Variants in COL28A1 observed in about 807,000 individuals in gnomAD.
COL28A1 encodes collagen alpha-1(XXVIII) chain.
A neutral mutation model predicts 150.2 loss-of-function variants in COL28A1; 161 were observed. That is an observed-to-expected ratio of 1.07 (90% CI 0.94 to 1.22). The LOEUF is 1.22. Ranked by LOEUF, COL28A1 falls within the 50% of genes most tolerant of loss-of-function variation. The probability of loss-of-function intolerance (pLI) is 0.00; values close to 1 mark genes in which losing one functional copy is unlikely to be tolerated. For synonymous variants in COL28A1, 552 were observed against 469.7 expected, an observed-to-expected ratio of 1.18 and a Z score of -2.26; for missense variants, 1,617 against 1,388.3, an observed-to-expected ratio of 1.16 and a Z score of -2.62.
At chr7:7,456,524 C>T (rs1338325720) in intron 15 of COL28A1, among the ~76,000 whole-genome samples, 1 of 152,166 alleles carries the variant, frequency 6.6e-6, no homozygotes, top group Admixed American at 6.5e-5. Flanking sequence ...AATACCCTTT[C>T]CCTCCAAATC....
chr7:7,371,991 C>T (rs1486871770), intron 32 of COL28A1, among the ~76,000 whole-genome samples: 1 of 152,016 alleles, frequency 6.6e-6, no homozygotes, highest in African/African-American at 2.4e-5. Flanking sequence ...CGCCACCATG[C>T]CCAGCTAATT....
intron 1 of COL28A1, among the ~76,000 whole-genome samples, chr7:7,533,853 T>C (rs948595070): frequency 1.3e-5 from 2 of 152,158 alleles, no homozygotes; most frequent in Non-Finnish European, 2.9e-5. Flanking sequence ...AAAGCTTATT[T>C]CGAATCAATA....
intron 27 of COL28A1, among the ~76,000 whole-genome samples, chr7:7,414,519 G>T (rs796733014): frequency 2.5e-4 from 38 of 152,316 alleles, no homozygotes; most frequent in African/African-American, 9.1e-4. Context: ...AAATAAAGAG[G>T]GGCGAGCCCA....
At chr7:7,342,432 A>T in the COL28A1 span, among the ~76,000 whole-genome samples, 1 of 152,060 alleles carries the variant, frequency 6.6e-6, no homozygotes, top group Non-Finnish European at 1.5e-5. Context: ...CATTTAATAT[A>T]ATTATGAATA....
the COL28A1 span, among the ~76,000 whole-genome samples, chr7:7,346,815 G>A: frequency 6.6e-6 from 1 of 152,024 alleles, no homozygotes; most frequent in African/African-American, 2.4e-5. Context: ...TTTGAACTAA[G>A]TTCTGGGAAA....
At chr7:7,398,140 A>G (rs771979432) in intron 27 of COL28A1, among the ~76,000 whole-genome samples, 4 of 152,186 alleles carry the variant, frequency 2.6e-5, no homozygotes, top group Non-Finnish European at 4.4e-5. Context: ...GAAACATGCC[A>G]TCTGATAGCA....
intron 3 of COL28A1, among the ~76,000 whole-genome samples, chr7:7,531,130 A>C (rs2881889): frequency 6.6e-6 from 1 of 152,164 alleles, no homozygotes; most frequent in Non-Finnish European, 1.5e-5. Context: ...ATAAAGTTAA[A>C]AATGCAATTC....
intron 27 of COL28A1, among the ~76,000 whole-genome samples, chr7:7,407,644 G>GA (rs1204175125): frequency 1.4e-4 from 22 of 151,808 alleles, no homozygotes; most frequent in Non-Finnish European, 1.5e-4. Flanking sequence ...AAGTAAAATG[G>GA]AAAAAAATTG....
At chr7:7,443,423 C>A (rs190310220) in intron 20 of COL28A1, among the ~76,000 whole-genome samples, 162 bp downstream of exon 20, 2 of 152,088 alleles carry the variant, frequency 1.3e-5, no homozygotes, top group African/African-American at 4.8e-5. Context: ...GAATCATATA[C>A]GCTTGCTGTC....
chr7:7,419,874 T>A lies in COL28A1; in HGVS notation c.2067+11A>T, dbSNP rs79046726. On this transcript the variant is annotated intron_variant, in intron 26 of 34. Coordinates refer to ENST00000399429, the MANE Select transcript of COL28A1 (RefSeq NM_001037763.3). ...CTGACCCTCACACAAAGCACTGAGC[T>A]GAGGACTCACCTTTGGCCCTTGGGT... 2.1e-3 allele frequency: 3,388 copies of A among 1,581,574 alleles called. 68 individuals are homozygous for A. In the African/African-American group the frequency reaches 0.041, roughly 19 times the overall value.
At chr7:7,345,224 C>T in the COL28A1 span, among the ~76,000 whole-genome samples, 1 of 151,780 alleles carries the variant, frequency 6.6e-6, no homozygotes, top group African/African-American at 2.4e-5. Context: ...TTAAAAGTTA[C>T]ATGATGTTGT....
intron 15 of COL28A1, among the ~76,000 whole-genome samples, chr7:7,472,583 CA>C (rs1164395533): frequency 6.6e-6 from 1 of 152,102 alleles, no homozygotes; most frequent in Non-Finnish European, 1.5e-5. Flanking sequence ...AATATTGTGA[CA>C]ATGACCATAC....
chr7:7,515,803 TA>T lies in COL28A1; in HGVS notation c.882+10del. Reference sequence around the variant, plus strand: ...AAATTCTGGTCAATCTATTTGTTGTTACCAACTTACCTTGTCACCCTTGTAC... The same window carrying T: ...AAATTCTGGTCAATCTATTTGTTGTTCCAACTTACCTTGTCACCCTTGTAC... On this transcript the variant is annotated intron_variant, in intron 8 of 34. Coordinates refer to ENST00000399429, the MANE Select transcript of COL28A1 (RefSeq NM_001037763.3). 2.0e-6 allele frequency: 2 copies of T among 1,025,008 alleles called. No homozygotes were observed. The highest frequency in any genetic ancestry group is 3.1e-6 in the Non-Finnish European group (2 of 644,892). 63.5% of individuals were successfully genotyped at this position (1,025,008 alleles called of 1,614,324 possible).
In COL28A1 at chr7:7,422,792, T is replaced by C. The variant is rs556883909; in HGVS notation, c.1999-2839A>G. Among the ~76,000 whole-genome samples the C allele has an allele frequency of 9.3e-4, 142 of 152,292 alleles. 1 individual carries two copies. The highest frequency in any genetic ancestry group is 3.2e-3 in the African/African-American group (131 of 41,558). On this transcript the variant is annotated intron_variant, in intron 25 of 34. Transcript: ENST00000399429. Reference sequence around the variant, plus strand: ...CCTACCAGCTTTGAGTGTCCCCAAGTTCCTGCCGGCTATTACTACCAGCTT... The same window carrying C: ...CCTACCAGCTTTGAGTGTCCCCAAGCTCCTGCCGGCTATTACTACCAGCTT...
At position 7,461,868 on chromosome 7, in the gene COL28A1, G is replaced by A. The variant is rs79493064; in HGVS notation, c.1303-5756C>T. On this transcript the variant is annotated intron_variant, in intron 15 of 34. Coordinates refer to ENST00000399429, the MANE Select transcript of COL28A1 (RefSeq NM_001037763.3). Reference sequence around the variant, plus strand: ...AGTTATAAGGCCCTGTCCACCACCTGTTCCTTCCCATACTACCACAACTGA... The same window carrying A: ...AGTTATAAGGCCCTGTCCACCACCTATTCCTTCCCATACTACCACAACTGA... Among the ~76,000 whole-genome samples, 707 of 152,150 alleles carry A rather than the reference G, an allele frequency of 4.6e-3. 5 individuals carry two copies. The highest frequency in any genetic ancestry group is 0.022 in the East Asian group (114 of 5,182).
chr7:7,384,202 G>C (rs141403624), intron 27 of COL28A1, among the ~76,000 whole-genome samples: 1 of 152,284 alleles, frequency 6.6e-6, no homozygotes, highest in Non-Finnish European at 1.5e-5. Context: ...TATCTCTTGA[G>C]CCAAACCCAG....
At chr7:7,376,890 C>G (rs55990737) in intron 30 of COL28A1, among the ~76,000 whole-genome samples, 18,086 of 152,140 alleles carry the variant, frequency 0.12, 2,359 homozygotes, top group African/African-American at 0.32. Context: ...AAAAGTTGTG[C>G]TAACTGACAC....
intron 2 of COL28A1, among the ~76,000 whole-genome samples, 198 bp downstream of exon 2, chr7:7,532,554 T>C (rs1468122913): frequency 6.6e-6 from 1 of 152,126 alleles, no homozygotes; most frequent in African/African-American, 2.4e-5. Flanking sequence ...AGATAATAAG[T>C]GCACAAGTGC....
At chr7:7,443,034 CAA>C (rs59365180) in intron 20 of COL28A1, among the ~76,000 whole-genome samples, 5 of 106,100 alleles carry the variant, frequency 4.7e-5, no homozygotes, top group Non-Finnish European at 6.3e-5. Context: ...GACTCCGTCT[CAA>C]AAAAAAAAAA....
Sources: gnomAD v4.1 joint callset for allele counts (sites outside exome capture counted in the v4.1 genomes callset) on GRCh38, gnomAD v4.1.1 for gene constraint, MANE v1.5 for transcripts, NCBI Gene and HGNC (gene_info 2026-07-23, HGNC 2026-07-21) for gene names.